The following QTMAN variants were observed in gnomAD, a reference collection of about 807,000 sequenced individuals.
The protein encoded by QTMAN is queuosine-tRNA mannosyltransferase.
chr2:144,145,161 T>C, the QTMAN span, among the ~76,000 whole-genome samples: 1 of 150,688 alleles, frequency 6.6e-6, no homozygotes, highest in Non-Finnish European at 1.5e-5. Context: ...GTTGCTCCAT[T>C]ATGCTTTAAT....
chr2:144,190,737 A>T, the QTMAN span, among the ~76,000 whole-genome samples: 2 of 152,218 alleles, frequency 1.3e-5, no homozygotes, highest in Non-Finnish European at 2.9e-5. Flanking sequence ...GGAGTATAGT[A>T]AAAATCTAAG....
chr2:144,144,869 C>T, the QTMAN span, among the ~76,000 whole-genome samples: 2 of 151,830 alleles, frequency 1.3e-5, no homozygotes, highest in Non-Finnish European at 2.9e-5. Context: ...AAACAGATTC[C>T]GTTTGACTGT....
the QTMAN span, among the ~76,000 whole-genome samples, chr2:144,323,498 GCTTTTACA>G: frequency 6.6e-6 from 1 of 152,004 alleles, no homozygotes; most frequent in African/African-American, 2.4e-5. Flanking sequence ...ATCGATCATT[GCTTTTACA>G]ACAGCAGGGC....
chr2:144,238,948 TAAC>T, the QTMAN span, among the ~76,000 whole-genome samples: 2 of 152,086 alleles, frequency 1.3e-5, no homozygotes, highest in Non-Finnish European at 2.9e-5. Context: ...ACTTTAATGA[TAAC>T]AAGATTATAA....
chr2:144,106,975 T>C, the QTMAN span, among the ~76,000 whole-genome samples: 3 of 152,190 alleles, frequency 2.0e-5, no homozygotes, highest in South Asian at 4.1e-4. Context: ...CTCTACTACA[T>C]GGAAACTGAA....
chr2:144,111,357 A>G, the QTMAN span, among the ~76,000 whole-genome samples: 16 of 152,248 alleles, frequency 1.1e-4, no homozygotes, highest in African/African-American at 3.9e-4. Flanking sequence ...ATTCCACCCA[A>G]CAGGCCTTTT....
chr2:144,127,711 A>G, the QTMAN span, among the ~76,000 whole-genome samples: 1 of 151,932 alleles, frequency 6.6e-6, no homozygotes, highest in African/African-American at 2.4e-5. Context: ...CACTTTACCT[A>G]TGTTCTCTCT....
At chr2:144,311,131 T>G in the QTMAN span, among the ~76,000 whole-genome samples, 2 of 152,230 alleles carry the variant, frequency 1.3e-5, no homozygotes, top group African/African-American at 4.8e-5. Flanking sequence ...AGATAAGGTG[T>G]GTATTTAAGA....
At chr2:144,279,153 C>T in the QTMAN span, among the ~76,000 whole-genome samples, 4 of 151,878 alleles carry the variant, frequency 2.6e-5, no homozygotes, top group Non-Finnish European at 5.9e-5. Flanking sequence ...GGCCAAACAA[C>T]GACGTTATGC....
At chr2:143,959,483 T>C in the QTMAN span, among the ~76,000 whole-genome samples, 2 of 152,132 alleles carry the variant, frequency 1.3e-5, no homozygotes, top group African/African-American at 4.8e-5. Flanking sequence ...AGATAATATC[T>C]GATCCTGGAG....
chr2:144,284,480 A>T, the QTMAN span, among the ~76,000 whole-genome samples: 5 of 151,934 alleles, frequency 3.3e-5, no homozygotes, highest in Non-Finnish European at 5.9e-5. Context: ...CTATAATATT[A>T]AAAAAAACTG....
the QTMAN span, among the ~76,000 whole-genome samples, chr2:144,268,821 G>A: frequency 5.3e-5 from 8 of 150,756 alleles, no homozygotes; most frequent in Admixed American, 2.6e-4. Context: ...TTTGACTCTC[G>A]CTCTGTCACC....
chr2:143,991,409 A>T, the QTMAN span, among the ~76,000 whole-genome samples: 65 of 151,356 alleles, frequency 4.3e-4, no homozygotes, highest in African/African-American at 1.4e-3. Flanking sequence ...CCGCCCGGCC[A>T]GCTGCCCCGT....
chr2:144,053,425 G>A, the QTMAN span, among the ~76,000 whole-genome samples: 2 of 152,188 alleles, frequency 1.3e-5, no homozygotes, highest in East Asian at 1.9e-4. Context: ...TAAAATAATG[G>A]CACAAACCTA....
the QTMAN span, among the ~76,000 whole-genome samples, chr2:144,010,064 A>C: frequency 1.4e-5 from 2 of 145,946 alleles, no homozygotes; most frequent in African/African-American, 5.0e-5. Flanking sequence ...GGATTCACCA[A>C]AAAAAAAAAA....
chr2:144,291,590 CA>C, the QTMAN span, among the ~76,000 whole-genome samples: 2 of 152,206 alleles, frequency 1.3e-5, no homozygotes, highest in Non-Finnish European at 2.9e-5. Context: ...AACATTATAT[CA>C]CTTAATTCTG....
the QTMAN span, among the ~76,000 whole-genome samples, chr2:144,088,528 A>G: frequency 6.6e-6 from 1 of 152,138 alleles, no homozygotes; most frequent in African/African-American, 2.4e-5. Context: ...TCCTAGGCAA[A>G]AACAATAAAG....
the QTMAN span, among the ~76,000 whole-genome samples, chr2:144,047,640 T>C: frequency 2.0e-5 from 3 of 152,204 alleles, no homozygotes; most frequent in Admixed American, 6.5e-5. Flanking sequence ...CTATTAACTA[T>C]GACAGCAACA....
chr2:144,103,720 C>T, the QTMAN span, among the ~76,000 whole-genome samples: 1 of 152,104 alleles, frequency 6.6e-6, no homozygotes, highest in Non-Finnish European at 1.5e-5. Context: ...AAATGGTAAT[C>T]TGAAGGAAAA....
Sources: gnomAD v4.1 joint callset for allele counts (sites outside exome capture counted in the v4.1 genomes callset) on GRCh38, gnomAD v4.1.1 for gene constraint, MANE v1.5 for transcripts, NCBI Gene and HGNC (gene_info 2026-07-23, HGNC 2026-07-21) for gene names.